TENM4: variants seen among roughly 807,000 people sequenced by gnomAD.
The protein encoded by TENM4 is teneurin transmembrane protein 4.
A neutral mutation model predicts 243.3 loss-of-function variants in TENM4; 82 were observed. The ratio of observed to expected loss-of-function variants is 0.34; its 90% CI spans 0.28 to 0.40. The LOEUF is 0.40. Among genes scored for constraint, TENM4 ranks in the 10% least tolerant of loss-of-function variants. The probability of loss-of-function intolerance (pLI) is 1.00; values close to 1 mark genes in which losing one functional copy is unlikely to be tolerated. For synonymous variants in TENM4, 1,412 were observed against 1,456.3 expected (o/e 0.97, Z 0.69); for missense variants, 3,138 against 3,673.3 (o/e 0.85, Z 3.77).
At chr11:79,091,859 G>A (rs1034929993) in intron 4 of TENM4, among the ~76,000 whole-genome samples, 2 of 152,158 alleles carry the variant, frequency 1.3e-5, no homozygotes, top group South Asian at 2.1e-4. Flanking sequence ...ACCTTTGTAC[G>A]CATGCTGCCC....
intron 3 of TENM4, among the ~76,000 whole-genome samples, chr11:79,210,497 T>C (rs1329677910): frequency 6.6e-6 from 1 of 152,144 alleles, no homozygotes; most frequent in East Asian, 1.9e-4. Flanking sequence ...CAGCAGTACA[T>C]AGCAGTAAAC....
intron 6 of TENM4, among the ~76,000 whole-genome samples, chr11:78,951,760 T>C (rs748485297): frequency 2.0e-5 from 3 of 152,136 alleles, no homozygotes; most frequent in Non-Finnish European, 4.4e-5. Flanking sequence ...ATCACCTCCT[T>C]AAAGGCCTTA....
chr11:79,192,336 C>T (rs1372140314), intron 3 of TENM4, among the ~76,000 whole-genome samples: 2 of 152,104 alleles, frequency 1.3e-5, no homozygotes, highest in Non-Finnish European at 2.9e-5. Context: ...GGGGGCAAGG[C>T]GGGGAAAAGA....
chr11:79,428,217 C>T (rs1859095073), intron 1 of TENM4, among the ~76,000 whole-genome samples: 1 of 152,188 alleles, frequency 6.6e-6, no homozygotes, highest in Admixed American at 6.5e-5. Flanking sequence ...TACCTATGCA[C>T]ATTAAATGTT....
intron 1 of TENM4, among the ~76,000 whole-genome samples, chr11:79,357,120 A>T (rs529532441): frequency 6.6e-6 from 1 of 152,168 alleles, no homozygotes; most frequent in Admixed American, 6.5e-5. Flanking sequence ...CACATTCCAC[A>T]TGGTGCGAGA....
chr11:79,111,204 C>T (rs1224563490), intron 4 of TENM4, among the ~76,000 whole-genome samples: 1 of 152,176 alleles, frequency 6.6e-6, no homozygotes, highest in Non-Finnish European at 1.5e-5. Flanking sequence ...TCGCCTTCCA[C>T]CATAATTGTG....
intron 13 of TENM4, among the ~76,000 whole-genome samples, chr11:78,813,213 G>C (rs965311517): frequency 6.6e-6 from 1 of 152,144 alleles, no homozygotes; most frequent in African/African-American, 2.4e-5. Flanking sequence ...GACTCTCATG[G>C]CATAGTACTT....
intron 6 of TENM4, among the ~76,000 whole-genome samples, chr11:78,974,288 A>T (rs1048309194): frequency 6.6e-6 from 1 of 152,198 alleles, no homozygotes; most frequent in Non-Finnish European, 1.5e-5. Flanking sequence ...AGTAGTATTT[A>T]TTCTACATTT....
At chr11:79,383,803 A>C (rs503356) in intron 1 of TENM4, among the ~76,000 whole-genome samples, 77,144 of 151,940 alleles carry the variant, frequency 0.51, 19,693 homozygotes, top group Non-Finnish European at 0.55. Context: ...AATAATAGAG[A>C]TTTTTCAATT....
chr11:79,242,593 A>C (rs565418528), intron 2 of TENM4, among the ~76,000 whole-genome samples: 2 of 152,294 alleles, frequency 1.3e-5, no homozygotes, highest in Admixed American at 1.3e-4. Flanking sequence ...TACCATAAGC[A>C]TTTCCCCATG....
chr11:79,402,746 G>A (rs1858488487), intron 1 of TENM4, among the ~76,000 whole-genome samples: 1 of 152,174 alleles, frequency 6.6e-6, no homozygotes, highest in Admixed American at 6.5e-5. Context: ...TTCCCCCATA[G>A]GAATGAGCAA....
rs368338653 is a variant in TENM4, at chr11:78,669,803, A to T, written c.6542T>A (p.Leu2181Gln). The change falls in exon 32 of 34, where the codon CTG (leucine) becomes CAG (glutamine). Residue 2181 changes from leucine to glutamine, a missense_variant. Around this residue, in one of 2 missense-constraint regions of TENM4, gnomAD observed 2,467 missense variants for 3,059.1 expected, o/e 0.81. Transcript: ENST00000278550. The surrounding 1 kb of genome is among the most constrained non-coding windows in gnomAD (Gnocchi z 6.4). ...GGTATTGGCGTAGGGTCCTACCTTC[A>T]GCTCCTTCTTCACTACTCGCCCCAT... is the stretch of plus-strand genomic sequence containing the variant. Reference protein sequence around the residue: ...DNMGRVVKKELKVGPYANTTR... With the variant: ...DNMGRVVKKEQKVGPYANTTR... 9.4e-5 allele frequency: 152 copies of T among 1,613,912 alleles called. No individual in the cohort carries two copies. The highest frequency in any genetic ancestry group is 1.2e-4 in the Non-Finnish European group (136 of 1,179,880).
chr11:78,767,520 C>T (rs1332562771), intron 18 of TENM4, among the ~76,000 whole-genome samples: 3 of 152,184 alleles, frequency 2.0e-5, no homozygotes, highest in Non-Finnish European at 2.9e-5. Context: ...GAGTCTAGTC[C>T]AGGCCATGTA....
chr11:78,805,281 C>CACCCACCAAAA lies in TENM4; in HGVS notation c.2179+10_2179+11insTTTTGGTGGGT. The CACCCACCAAAA allele has an allele frequency of 6.7e-7, 1 of 1,488,492 alleles. No homozygotes were observed. The highest frequency in any genetic ancestry group is 9.1e-7 in the Non-Finnish European group (1 of 1,097,814). The allele number at this position is 1,488,492 out of a possible 1,614,324, so 92.2% of individuals were successfully genotyped here. On this transcript the variant is annotated intron_variant, in intron 15 of 33. Coordinates refer to ENST00000278550, the MANE Select transcript of TENM4 (RefSeq NM_001098816.3). The stretch of plus-strand genomic sequence containing the variant: ...TCCCTCTACCCATGCTTCTTCTCCC[C>CACCCACCAAAA]CTGCATTTACCGATAGAACAGTCGT...
chr11:78,739,630 T>G (rs1855876676), intron 19 of TENM4, among the ~76,000 whole-genome samples: 1 of 152,072 alleles, frequency 6.6e-6, no homozygotes, highest in Non-Finnish European at 1.5e-5. Context: ...TGGTGGCTTT[T>G]TAAACATTCA....
In TENM4 at chr11:79,438,580, G is replaced by A. The variant is rs1266118080; in HGVS notation, c.-321+1929C>T. Among the ~76,000 whole-genome samples the A allele has an allele frequency of 6.6e-6, 1 of 152,174 alleles. No individual in the cohort carries two copies. Among genetic ancestry groups the A allele is most frequent in the Non-Finnish European group, 1.5e-5 (1 of 68,042 alleles). ...CTGGGCTGCCTGGGCATCTCCAAGG[G>A]GGACCAGGCACCGCGGGCAGGTTTC... On this transcript the variant is annotated intron_variant, in intron 1 of 33. Transcript: ENST00000278550. The surrounding 1 kb of genome is among the most constrained non-coding windows in gnomAD (Gnocchi z 4.1).
At chr11:79,056,368 G>C (rs893226060) in intron 6 of TENM4, among the ~76,000 whole-genome samples, 1 of 152,006 alleles carries the variant, frequency 6.6e-6, no homozygotes, top group Non-Finnish European at 1.5e-5. Flanking sequence ...TGTTGTGTTA[G>C]TATGTGCTGC....
chr11:79,095,890 A>G (rs1461377984), intron 4 of TENM4: 1 of 152,168 alleles, frequency 6.6e-6, no homozygotes. Flanking sequence ...GGCTTCATTT[A>G]CTTCCCACAC....
At chr11:79,374,552 C>A (rs1028240108) in intron 1 of TENM4, among the ~76,000 whole-genome samples, 2 of 150,834 alleles carry the variant, frequency 1.3e-5, no homozygotes, top group African/African-American at 2.4e-5. Context: ...ATCTATATAT[C>A]TATATAGATA....
Sources: allele counts gnomAD v4.1 joint callset (sites outside exome capture counted in the v4.1 genomes callset), GRCh38; gene constraint gnomAD v4.1.1; regional missense constraint gnomAD v4.1.1; non-coding constraint Gnocchi (gnomAD v3.1); transcripts MANE v1.5; gene names NCBI Gene and HGNC (gene_info 2026-07-23, HGNC 2026-07-21).